NPAS3: variants seen among roughly 807,000 people sequenced by gnomAD.
NPAS3 encodes the protein neuronal PAS domain protein 3.
A neutral mutation model predicts 73.1 loss-of-function variants in NPAS3; 14 were observed. The ratio of observed to expected loss-of-function variants is 0.19; its 90% confidence interval spans 0.13 to 0.30. The LOEUF (loss-of-function observed/expected upper bound fraction) is 0.30. Among genes scored for constraint, NPAS3 ranks in the 10% least tolerant of loss-of-function variants. The pLI is 1.00. For missense variants in NPAS3, 1,096 were observed against 1,250.0 expected (o/e 0.88, Z 1.86); for synonymous variants, 620 against 541.5 (o/e 1.14, Z -2.01).
intron 2 of NPAS3, among the ~76,000 whole-genome samples, chr14:33,102,113 T>C (rs1356001778): frequency 1.3e-5 from 2 of 152,242 alleles, no homozygotes; most frequent in East Asian, 3.9e-4. Flanking sequence ...AACCTCTTTT[T>C]TTCCCTTCTC....
chr14:33,368,927 G>A (rs2045959453), intron 4 of NPAS3, among the ~76,000 whole-genome samples: 1 of 152,080 alleles, frequency 6.6e-6, no homozygotes, highest in African/African-American at 2.4e-5. Flanking sequence ...CTAAGACTTA[G>A]TCAATGAAAA....
intron 1 of NPAS3, among the ~76,000 whole-genome samples, chr14:33,051,296 A>AAAAAAAAAAAAAAG (rs771840433): frequency 1.7e-4 from 24 of 142,566 alleles, no homozygotes; most frequent in African/African-American, 5.8e-4. Context: ...AAAAAAAAAA[A>AAAAAAAAAAAAAAG]AGAGAGACTA....
intron 9 of NPAS3, among the ~76,000 whole-genome samples, chr14:33,785,575 T>C (rs765062734): frequency 6.6e-6 from 1 of 152,198 alleles, no homozygotes; most frequent in Non-Finnish European, 1.5e-5. Context: ...TTAAATTGTT[T>C]CCTGAAAACA....
intron 3 of NPAS3, among the ~76,000 whole-genome samples, chr14:33,265,863 C>A (rs933409289): frequency 3.3e-5 from 5 of 151,890 alleles, no homozygotes; most frequent in Non-Finnish European, 7.4e-5. Flanking sequence ...AATCACTGTC[C>A]ATGATTTCCT....
At chr14:33,779,868 A>C (rs2138519103) in intron 9 of NPAS3, among the ~76,000 whole-genome samples, 1 of 152,384 alleles carries the variant, frequency 6.6e-6, no homozygotes, top group Admixed American at 6.5e-5. Flanking sequence ...GAGATGGTAC[A>C]GCCTAAAGTT....
At chr14:33,365,003 T>G (rs77822278) in intron 3 of NPAS3, among the ~76,000 whole-genome samples, 6,542 of 140,218 alleles carry the variant, frequency 0.047, 196 homozygotes, top group Non-Finnish European at 0.064. Flanking sequence ...TTTCTTTTTT[T>G]GGGGGAGGGG....
chr14:33,375,999 C>A, intron 4 of NPAS3, among the ~76,000 whole-genome samples: 1 of 152,182 alleles, frequency 6.6e-6, no homozygotes, highest in South Asian at 2.1e-4. Flanking sequence ...TTCATACTTA[C>A]GGAATTGGTT....
At chr14:33,646,110 AG>A (rs2058821988) in intron 5 of NPAS3, among the ~76,000 whole-genome samples, 1 of 152,152 alleles carries the variant, frequency 6.6e-6, no homozygotes, top group Non-Finnish European at 1.5e-5. Flanking sequence ...TGAGAAAACG[AG>A]GGGTCTGCTG....
intron 1 of NPAS3, among the ~76,000 whole-genome samples, chr14:32,984,345 AT>A (rs1449974890): frequency 1.3e-5 from 2 of 152,210 alleles, no homozygotes; most frequent in African/African-American, 4.8e-5. Context: ...ATCTTGCCAC[AT>A]TTTTAGTGCT....
At chr14:33,179,208 A>G (rs1264232166) in intron 2 of NPAS3, among the ~76,000 whole-genome samples, 3 of 152,142 alleles carry the variant, frequency 2.0e-5, no homozygotes, top group Non-Finnish European at 4.4e-5. Context: ...AGAGGAAGCT[A>G]TATGAGTCTT....
intron 2 of NPAS3, among the ~76,000 whole-genome samples, chr14:33,097,788 C>T (rs1006393173): frequency 6.6e-6 from 1 of 152,120 alleles, no homozygotes; most frequent in African/African-American, 2.4e-5. Flanking sequence ...TGTTTATGAG[C>T]CACTTAGTGT....
chr14:32,945,517 CAAGG>C (rs775774833), intron 1 of NPAS3, among the ~76,000 whole-genome samples: 3 of 152,104 alleles, frequency 2.0e-5, no homozygotes, highest in Non-Finnish European at 4.4e-5. Flanking sequence ...TTAGCATTCC[CAAGG>C]AAGGTGATAG....
intron 4 of NPAS3, among the ~76,000 whole-genome samples, chr14:33,559,393 C>T (rs2055524958): frequency 6.6e-6 from 1 of 152,136 alleles, no homozygotes; most frequent in South Asian, 2.1e-4. Context: ...CATAGTAGTG[C>T]AAGTAGTGAT....
At chr14:33,664,113 G>A (rs543459896) in intron 5 of NPAS3, among the ~76,000 whole-genome samples, 26 of 152,080 alleles carry the variant, frequency 1.7e-4, no homozygotes, top group South Asian at 4.2e-4. Flanking sequence ...ACCTGACTTC[G>A]AACTATACTA....
At chr14:33,009,283 A>C (rs2039106850) in intron 1 of NPAS3, among the ~76,000 whole-genome samples, 1 of 152,198 alleles carries the variant, frequency 6.6e-6, no homozygotes, top group Admixed American at 6.5e-5. Flanking sequence ...AGTTTTAGAC[A>C]CCAATGCAAG....
chr14:33,695,209 A>C (rs1342055170), intron 6 of NPAS3, among the ~76,000 whole-genome samples: 1 of 152,190 alleles, frequency 6.6e-6, no homozygotes, highest in African/African-American at 2.4e-5. Flanking sequence ...AGTATTTTTT[A>C]AAGTATTTTC....
intron 7 of NPAS3, among the ~76,000 whole-genome samples, chr14:33,760,981 C>T (rs1426036149): frequency 6.6e-6 from 1 of 152,108 alleles, no homozygotes; most frequent in Non-Finnish European, 1.5e-5. Flanking sequence ...ATTAATATCC[C>T]ATGTTTTTGT....
At chr14:33,660,786 A>G (rs1459342852) in intron 5 of NPAS3, among the ~76,000 whole-genome samples, 1 of 152,180 alleles carries the variant, frequency 6.6e-6, no homozygotes, top group Non-Finnish European at 1.5e-5. Flanking sequence ...GAAATCATCT[A>G]TGAGACTGTT....
chr14:33,668,080 T>C (rs1422750492), intron 5 of NPAS3, among the ~76,000 whole-genome samples: 1 of 152,192 alleles, frequency 6.6e-6, no homozygotes, highest in Non-Finnish European at 1.5e-5. Flanking sequence ...ACAGCTGCAA[T>C]AGCATTGACA....
Sources: allele counts gnomAD v4.1 joint callset (sites outside exome capture counted in the v4.1 genomes callset), GRCh38; gene constraint gnomAD v4.1.1; transcripts MANE v1.5; gene names NCBI Gene and HGNC (gene_info 2026-07-23, HGNC 2026-07-21).